Variants in PCDHA4 observed in about 807,000 individuals in gnomAD.
PCDHA4 encodes protocadherin alpha-4.
In PCDHA4, 49 loss-of-function variants were observed where a neutral mutation model predicts 61.4. The ratio of observed to expected loss-of-function variants is 0.80; its 90% CI spans 0.63 to 1.01. The LOEUF (loss-of-function observed/expected upper bound fraction) is 1.01, where lower values mean the gene tolerates loss of function less well. PCDHA4 is among the 50% of genes least tolerant of loss of function. The probability of loss-of-function intolerance (pLI) is 0.00; values close to 1 mark genes in which losing one functional copy is unlikely to be tolerated. For synonymous variants in PCDHA4, 590 were observed against 550.3 expected (o/e 1.07, Z -1.01); for missense variants, 1,254 against 1,235.8 (o/e 1.01, Z -0.22).
intron 3 of PCDHA4, among the ~76,000 whole-genome samples, chr5:141,002,517 G>A (rs770473989): frequency 5.3e-5 from 8 of 152,208 alleles, no homozygotes; most frequent in Non-Finnish European, 8.8e-5. Flanking sequence ...GAGTCTCCTA[G>A]CTGGAGTCAG....
chr5:140,808,356 C>T lies in PCDHA4; in HGVS notation c.1169C>T (p.Thr390Met), dbSNP rs1554124492. ...GVNGLVTCSL[T>M]SHVPFKLVST... ...AATGGGCTGGTCACCTGCTCCTTGA[C>T]GTCCCACGTCCCCTTCAAGCTGGTG... Residue 390 changes from threonine (T) to methionine (M), a missense_variant, in exon 1 of 4, where the codon ACG becomes ATG. Physicochemically the swap from Thr to Met is moderately conservative, Grantham distance 81. Coordinates refer to ENST00000530339, the MANE Select transcript of PCDHA4 (RefSeq NM_018907.4). The T allele has an allele frequency of 2.4e-5, 38 of 1,614,212 alleles. No individual in the cohort carries two copies. Among genetic ancestry groups the T allele is most frequent in the Non-Finnish European group, 3.2e-5 (38 of 1,180,056 alleles).
intron 1 of PCDHA4, among the ~76,000 whole-genome samples, chr5:140,913,117 G>T (rs1055437222): frequency 1.3e-5 from 2 of 152,144 alleles, no homozygotes; most frequent in Non-Finnish European, 2.9e-5. Flanking sequence ...CAGTTTGGAA[G>T]TTAACCCCTC....
intron 1 of PCDHA4, among the ~76,000 whole-genome samples, chr5:140,819,556 G>T (rs1363916364): frequency 2.0e-5 from 3 of 152,102 alleles, no homozygotes; most frequent in African/African-American, 7.2e-5. Context: ...TTTGATTGAA[G>T]AAAATAGCTT....
chr5:140,867,059 TTATA>T (rs782538902), intron 1 of PCDHA4: 1 of 152,152 alleles, frequency 6.6e-6, no homozygotes, highest in Non-Finnish European at 1.5e-5. Flanking sequence ...CAGTACTACT[TTATA>T]TATTCACAAA....
rs2150441270 is a variant in PCDHA4, at chr5:140,849,579, G to A, written c.2385+40007G>A. ...AACGCTCTCGGTTCCTGTAAAAGAG[G>A]ACGCACAACTGGGGACAGTTATTGC... On this transcript the variant is annotated intron_variant, in intron 1 of 3. Coordinates refer to ENST00000530339, the MANE Select transcript of PCDHA4 (RefSeq NM_018907.4). 7 of 1,598,680 alleles carry A rather than the reference G, an allele frequency of 4.4e-6. 3 individuals carry two copies. The highest frequency in any genetic ancestry group is 2.2e-5 in the South Asian group (2 of 90,552).
intron 1 of PCDHA4, chr5:140,865,001 C>T (rs185152337): frequency 6.6e-6 from 1 of 152,206 alleles, no homozygotes; most frequent in East Asian, 1.9e-4. Flanking sequence ...AGTTTGAGAC[C>T]AGCCTCGGCA....
At chr5:140,850,367 GGGGCTGT>G (rs1332786840) in intron 1 of PCDHA4, 1 of 1,597,800 alleles carries the variant, frequency 6.3e-7, no homozygotes, top group Non-Finnish European at 8.6e-7. Context: ...CGTTCCGCGT[GGGGCTGT>G]ACACGGGCGA....
chr5:140,923,339 A>C (rs1341190939), intron 1 of PCDHA4, among the ~76,000 whole-genome samples: 2 of 152,154 alleles, frequency 1.3e-5, no homozygotes, highest in Non-Finnish European at 2.9e-5. Context: ...CAGTTTGGGC[A>C]ACATAGTGGG....
intron 1 of PCDHA4, among the ~76,000 whole-genome samples, chr5:140,947,571 GT>G (rs782708059): frequency 1.8e-4 from 28 of 151,588 alleles, no homozygotes; most frequent in Non-Finnish European, 3.1e-4. Context: ...TATTGGGAAT[GT>G]TTTTAACATT....
intron 1 of PCDHA4, among the ~76,000 whole-genome samples, chr5:140,879,038 AAGAT>A (rs2057824267): frequency 6.6e-6 from 1 of 152,380 alleles, no homozygotes; most frequent in Admixed American, 6.5e-5. Flanking sequence ...AGTGTCTTGA[AAGAT>A]AGACAACATT....
intron 1 of PCDHA4, chr5:140,884,756 T>A: frequency 7.0e-7 from 1 of 1,427,108 alleles, no homozygotes; most frequent in Admixed American, 3.0e-5. Flanking sequence ...TTTCAAATTA[T>A]TCTTTACTTT....
intron 3 of PCDHA4, among the ~76,000 whole-genome samples, chr5:140,983,788 C>T (rs1319880543): frequency 6.6e-6 from 1 of 152,144 alleles, no homozygotes; most frequent in Non-Finnish European, 1.5e-5. Context: ...TAACAGATGA[C>T]AGAATGTGTG....
At chr5:141,003,404 C>T (rs1220823523) in intron 3 of PCDHA4, among the ~76,000 whole-genome samples, 4 of 152,138 alleles carry the variant, frequency 2.6e-5, no homozygotes, top group African/African-American at 4.8e-5. Context: ...CTCCGCCTCC[C>T]GGGTTCGAGT....
chr5:140,882,779 C>G (rs1554175579), intron 1 of PCDHA4: 2 of 1,614,168 alleles, frequency 1.2e-6, no homozygotes, highest in Non-Finnish European at 8.5e-7. Context: ...ATTGACCTAC[C>G]GACTGGATCC....
chr5:140,826,252 A>G (rs1768870468), intron 1 of PCDHA4, among the ~76,000 whole-genome samples: 1 of 152,224 alleles, frequency 6.6e-6, no homozygotes, highest in African/African-American at 2.4e-5. Context: ...ATCTCTTTAT[A>G]TATCAAGTCT....
intron 1 of PCDHA4, among the ~76,000 whole-genome samples, chr5:140,924,892 C>A: frequency 1.2e-5 from 1 of 82,680 alleles, no homozygotes; most frequent in Admixed American, 1.2e-4. Context: ...AAGAACCTGT[C>A]TCAAAAAAAA....
intron 1 of PCDHA4, among the ~76,000 whole-genome samples, chr5:140,906,736 AT>A (rs1330405649): frequency 6.6e-6 from 1 of 152,132 alleles, no homozygotes; most frequent in Non-Finnish European, 1.5e-5. Flanking sequence ...GTAGTTTCCC[AT>A]TGACACAGGG....
chr5:140,836,309 A>T, intron 1 of PCDHA4: 1 of 1,613,652 alleles, frequency 6.2e-7, no homozygotes, highest in Non-Finnish European at 8.5e-7. Context: ...AGACGGACGC[A>T]CCGCGCCACC....
chr5:140,835,906 T>G (rs2150248059), intron 1 of PCDHA4: 2 of 1,612,190 alleles, frequency 1.2e-6, no homozygotes, highest in Admixed American at 1.7e-5. Flanking sequence ...TCGAGCTACG[T>G]GTCAGTGCAC....
Sources: allele counts gnomAD v4.1 joint callset (sites outside exome capture counted in the v4.1 genomes callset), GRCh38; gene constraint gnomAD v4.1.1; transcripts MANE v1.5; gene names NCBI Gene and HGNC (gene_info 2026-07-23, HGNC 2026-07-21).